Variants in CD274 observed in about 807,000 individuals in gnomAD.
The protein encoded by CD274 is CD274 molecule, also known as programmed cell death 1 ligand 1.
In CD274, 8 loss-of-function variants were observed where a neutral mutation model predicts 30.1. The ratio of observed to expected loss-of-function variants is 0.27; its 90% CI spans 0.16 to 0.48. The LOEUF (loss-of-function observed/expected upper bound fraction) is 0.48. CD274 is among the 20% of genes least tolerant of loss of function. The probability of loss-of-function intolerance (pLI) is 0.99; values close to 1 mark genes in which losing one functional copy is unlikely to be tolerated. For missense variants in CD274, 353 were observed against 346.6 expected, an observed-to-expected ratio of 1.02 and a Z score of -0.15; for synonymous variants, 152 against 124.6, an observed-to-expected ratio of 1.22 and a Z score of -1.46.
chr9:5,451,009 T>G lies in CD274; in HGVS notation c.-15+413T>G, dbSNP rs548904263. 3.9e-5 allele frequency among the ~76,000 whole-genome samples: 6 copies of G among 152,334 alleles called. No individual in the cohort carries two copies. The South Asian group carries it at 8.3e-4, about 21-fold the overall frequency. ...AGTTATCCCAGCTGCAGCATCTAAG[T>G]AAGTCTCTTCCTGCGCTAAGCAGGT... On this transcript the variant is annotated intron_variant, in intron 1 of 6. Transcript: ENST00000381577.
Position 5,450,569 on chromosome 9 carries a change from C to T in CD274, c.-42C>T, listed in dbSNP as rs1819182416. The stretch of plus-strand genomic sequence containing the variant: ...TTCTGCGCAGCTTCCCGAGGCTCCG[C>T]ACCAGCCGCGCTTCTGTCCGCCTGC... On this transcript the variant is annotated 5_prime_UTR_variant, in exon 1 of 7. Transcript: ENST00000381577. The T allele has an allele frequency of 6.6e-6, 1 of 152,342 alleles. No individual in the cohort carries two copies. Among genetic ancestry groups the T allele is most frequent in the Non-Finnish European group, 1.5e-5 (1 of 68,114 alleles). 9.4% of individuals were successfully genotyped at this position (152,342 alleles called of 1,614,324 possible).
chr9:5,457,046 C>T, intron 2 of CD274, 33 bp from the exon 3 acceptor site: 1 of 1,474,904 alleles, frequency 6.8e-7, no homozygotes, highest in Non-Finnish European at 9.3e-7. Context: ...AGGAATTTTC[C>T]CTTTTCTGAA....
chr9:5,460,873 T>C (rs757016427), intron 3 of CD274, among the ~76,000 whole-genome samples: 3 of 152,214 alleles, frequency 2.0e-5, no homozygotes, highest in Non-Finnish European at 4.4e-5. Context: ...AAATTTTACT[T>C]TCTGTTAATA....
intron 6 of CD274, 111 bp from the exon 7 acceptor site, chr9:5,467,729 A>C: frequency 1.1e-6 from 1 of 903,794 alleles, no homozygotes; most frequent in South Asian, 1.3e-5. Context: ...CTCATTTCAA[A>C]TTTATCATTT....
rs1819494655 is a variant in CD274 at position 5,466,145 on chromosome 9, A to C, written c.790+539A>C. Among the ~76,000 whole-genome samples, 6 of 152,344 alleles carry C rather than the reference A, an allele frequency of 3.9e-5. No individual in the cohort carries two copies. In the South Asian group the frequency reaches 1.2e-3, roughly 32 times the overall value. ...TCCCATTTAAGATGAGTCAGAGTAA[A>C]TAATTCCTCCAATACTTAGAGAAGT... On this transcript the variant is annotated intron_variant, in intron 5 of 6. Coordinates refer to ENST00000381577, the MANE Select transcript of CD274 (RefSeq NM_014143.4).
At chr9:5,452,776 A>G (rs1819230391) in intron 1 of CD274, among the ~76,000 whole-genome samples, 2 of 152,216 alleles carry the variant, frequency 1.3e-5, no homozygotes, top group Admixed American at 6.5e-5. Flanking sequence ...AACCAAATTC[A>G]TTAAAGGACA....
At chr9:5,456,753 G>C (rs1819311291) in intron 2 of CD274, among the ~76,000 whole-genome samples, 1 of 152,314 alleles carries the variant, frequency 6.6e-6, no homozygotes, top group Admixed American at 6.5e-5. Flanking sequence ...AGGACATTCT[G>C]GGGATGTCTA....
chr9:5,456,171 A>C lies in CD274; in HGVS notation c.52+6A>C. ...CTACTGGCATTTGCTGAACGGTAAG[A>C]CACCAAATCCTTCCATTAGGTTCTA... On this transcript the variant is annotated splice_donor_region_variant and intron_variant, in intron 2 of 6. Coordinates refer to ENST00000381577, the MANE Select transcript of CD274 (RefSeq NM_014143.4). The C allele has an allele frequency of 6.3e-7, 1 of 1,577,682 alleles. No homozygotes were observed.
intron 6 of CD274, 143 bp downstream of exon 6, chr9:5,466,972 C>G: frequency 1.6e-6 from 1 of 612,424 alleles, no homozygotes; most frequent in East Asian, 2.9e-5. Flanking sequence ...AACACAAGAA[C>G]TCCTCCACCG....
chr9:5,466,814 T>G lies in CD274; in HGVS notation c.835T>G (p.Ser279Ala). ...AAAATGTGGCATCCAAGATACAAAC[T>G]CAAAGAAGCAAAGTGGTAAGAATAT... The part of the protein sequence containing the change: ...VKKCGIQDTN[S>A]KKQSDTHLEE... The change falls in exon 6 of 7, where the codon TCA becomes GCA. Residue 279 changes from serine to alanine, a missense_variant. Coordinates refer to ENST00000381577, the MANE Select transcript of CD274 (RefSeq NM_014143.4). 1 of 1,609,192 alleles carries G rather than the reference T, an allele frequency of 6.2e-7. No homozygotes were observed. The highest frequency in any genetic ancestry group is 8.5e-7 in the Non-Finnish European group (1 of 1,177,672).
At chr9:5,464,819 G>A (rs1232283553) in intron 4 of CD274, among the ~76,000 whole-genome samples, 1 of 152,178 alleles carries the variant, frequency 6.6e-6, no homozygotes, top group African/African-American at 2.4e-5. Context: ...AGGAGCGGAG[G>A]CTCATGCCTG....
In CD274 at chr9:5,469,306, T is replaced by A. The variant is rs1819548338; in HGVS notation, c.*1444T>A. The A allele has an allele frequency of 4.3e-6, 1 of 232,718 alleles. No individual in the cohort carries two copies. The highest frequency in any genetic ancestry group is 8.5e-6 in the Non-Finnish European group (1 of 117,816). 14.4% of individuals were successfully genotyped at this position (232,718 alleles called of 1,614,324 possible). A position where few individuals can be genotyped will look rare whatever the true frequency, so the allele number is the denominator to read the frequency against. On this transcript the variant is annotated 3_prime_UTR_variant, in exon 7 of 7. Coordinates refer to ENST00000381577, the MANE Select transcript of CD274 (RefSeq NM_014143.4). The stretch of plus-strand genomic sequence containing the variant: ...CTTTTCTATTTAAATGCCACTAAAT[T>A]TTAAATTCATACCTTTCCATGATTC...
At chr9:5,464,120 G>A (rs1056835988) in intron 4 of CD274, among the ~76,000 whole-genome samples, 3 of 152,180 alleles carry the variant, frequency 2.0e-5, no homozygotes, top group Non-Finnish European at 2.9e-5. Flanking sequence ...AACAGAAAGA[G>A]GGGGAAAAAA....
rs12353029 is a variant in CD274, at chr9:5,455,960, G to A, written c.-14-140G>A. 6.6e-6 allele frequency: 4 copies of A among 601,616 alleles called. No homozygotes were observed. The East Asian group carries it at 1.3e-4, about 19-fold the overall frequency. 37.3% of individuals were successfully genotyped at this position (601,616 alleles called of 1,614,324 possible). On this transcript the variant is annotated intron_variant, in intron 1 of 6. Transcript: ENST00000381577. ...GAAGATATTGAACTTCCAATTCCCTGTTGGGTTTCCACAATTACAAGTCAA... is the reference window on the plus strand; with the variant it reads ...GAAGATATTGAACTTCCAATTCCCTATTGGGTTTCCACAATTACAAGTCAA...
intron 5 of CD274, among the ~76,000 whole-genome samples, 165 bp from the exon 6 acceptor site, chr9:5,466,605 T>A (rs1377806049): frequency 6.6e-6 from 1 of 151,998 alleles, no homozygotes; most frequent in Non-Finnish European, 1.5e-5. Context: ...TGCCCTACAC[T>A]ATTGAATTAA....
At chr9:5,462,012 C>T (rs536191988) in intron 3 of CD274, among the ~76,000 whole-genome samples, 26 of 152,190 alleles carry the variant, frequency 1.7e-4, no homozygotes, top group Non-Finnish European at 2.8e-4. Context: ...TTAGTTATGA[C>T]GATTGTACCA....
chr9:5,456,126 G>A lies in CD274; in HGVS notation c.13G>A (p.Ala5Thr). The A allele has an allele frequency of 6.2e-7, 1 of 1,607,462 alleles. No homozygotes were observed. Among genetic ancestry groups the A allele is most frequent in the Non-Finnish European group, 8.5e-7 (1 of 1,174,356 alleles). The change falls in exon 2 of 7, where the codon GCT (alanine) becomes ACT (threonine). Residue 5 changes from alanine (A) to threonine (T), a missense_variant. Physicochemically the swap from Ala to Thr is moderately conservative, Grantham distance 58. Coordinates refer to ENST00000381577, the MANE Select transcript of CD274 (RefSeq NM_014143.4). ...GCATTCCAGAAAGATGAGGATATTT[G>A]CTGTCTTTATATTCATGACCTACTG... MRIFAVFIFMTYWHL... is the reference protein window; with the variant it reads MRIFTVFIFMTYWHL...
At chr9:5,462,460 T>A (rs1819420876) in intron 3 of CD274, among the ~76,000 whole-genome samples, 2 of 152,254 alleles carry the variant, frequency 1.3e-5, no homozygotes, top group Admixed American at 1.3e-4. Flanking sequence ...GGTTTAAAGA[T>A]AATTCTCTTT....
chr9:5,464,618 C>T (rs1308695136), intron 4 of CD274, among the ~76,000 whole-genome samples: 1 of 152,154 alleles, frequency 6.6e-6, no homozygotes, highest in Non-Finnish European at 1.5e-5. Context: ...ATACTAATGG[C>T]TTGTTGTCCA....
Sources: gnomAD v4.1 joint callset for allele counts (sites outside exome capture counted in the v4.1 genomes callset) on GRCh38, gnomAD v4.1.1 for gene constraint, MANE v1.5 for transcripts, NCBI Gene and HGNC (gene_info 2026-07-23, HGNC 2026-07-21) for gene names.